STK32A: variants seen among roughly 807,000 people sequenced by gnomAD.
STK32A encodes serine/threonine kinase 32A.
In STK32A, 41 loss-of-function variants were observed where a neutral mutation model predicts 53.2. The ratio of observed to expected loss-of-function variants is 0.77; its 90% CI spans 0.60 to 1.00. The LOEUF (loss-of-function observed/expected upper bound fraction) is 1.00. STK32A is among the 50% of genes least tolerant of loss of function. The probability of loss-of-function intolerance (pLI) is 0.00; values close to 1 mark genes in which losing one functional copy is unlikely to be tolerated. For missense variants in STK32A, 458 were observed against 485.8 expected (o/e 0.94, Z 0.54); for synonymous variants, 166 against 162.8 (o/e 1.02, Z -0.15).
rs150887286 is a variant in STK32A at position 147,267,921 on chromosome 5, A to T, written c.53-10203A>T. ...TTCTTATTTTCTAAAGTAGGAAGAGATTTCTCCCACCTTAGAACTCCTATA... is the reference window on the plus strand; with the variant it reads ...TTCTTATTTTCTAAAGTAGGAAGAGTTTTCTCCCACCTTAGAACTCCTATA... On this transcript the variant is annotated intron_variant, in intron 2 of 12. Coordinates refer to ENST00000397936, the MANE Select transcript of STK32A (RefSeq NM_001112724.2). Among the ~76,000 whole-genome samples, 549 of 152,180 alleles carry T rather than the reference A, an allele frequency of 3.6e-3. 6 individuals are homozygous for T. Among genetic ancestry groups the T allele is most frequent in the African/African-American group, 0.012 (482 of 41,506 alleles).
chr5:147,246,613 T>A (rs1753773690), intron 2 of STK32A, among the ~76,000 whole-genome samples: 1 of 152,236 alleles, frequency 6.6e-6, no homozygotes, highest in Non-Finnish European at 1.5e-5. Context: ...AATGAAAGAT[T>A]ATAATCGTAT....
At chr5:147,260,032 TTC>T (rs200558482) in intron 2 of STK32A, among the ~76,000 whole-genome samples, 7,420 of 137,248 alleles carry the variant, frequency 0.054, 831 homozygotes, top group African/African-American at 0.2. Context: ...TCCTCTCTCT[TTC>T]TCTCTCCTGT....
rs781391712 is a variant in STK32A, at chr5:147,279,373, G to A, written c.235G>A (p.Glu79Lys). The change falls in exon 4 of 13, where the codon GAG (glutamate) becomes AAG (lysine). Residue 79 changes from glutamate to lysine, a missense_variant. Physicochemically the swap from Glu to Lys is moderately conservative, Grantham distance 56. Transcript: ENST00000397936. ...GGAACTCCAGATCATGCAGGGTCTG[G>A]AGCACCCTTTCCTGGTTAATTTGTG... ...FKELQIMQGL[E>K]HPFLVNLWYS... is the part of the protein sequence containing the mutation. The A allele has an allele frequency of 6.2e-7, 1 of 1,601,496 alleles. No homozygotes were observed. Among genetic ancestry groups the A allele is most frequent in the Non-Finnish European group, 8.5e-7 (1 of 1,173,672 alleles).
intron 4 of STK32A, among the ~76,000 whole-genome samples, chr5:147,291,575 C>A (rs2113345): frequency 0.33 from 50,646 of 151,518 alleles, 8,831 homozygotes; most frequent in South Asian, 0.6. Flanking sequence ...AATTTCTATG[C>A]CTGAATGAAA....
chr5:147,379,779 C>G (rs1757381495), intron 11 of STK32A, among the ~76,000 whole-genome samples: 1 of 152,126 alleles, frequency 6.6e-6, no homozygotes, highest in East Asian at 1.9e-4. Context: ...ATTTCAGATG[C>G]CGTCTCCAGC....
intron 7 of STK32A, among the ~76,000 whole-genome samples, chr5:147,360,450 C>CAAAAAAAAAAAAAAAAAAAAAAAAAAA (rs56690647): frequency 6.2e-5 from 5 of 81,184 alleles, no homozygotes; most frequent in Non-Finnish European, 1.0e-4. Context: ...GATTCTGTCT[C>CAAAAAAAAAAAAAAAAAAAAAAAAAAA]AAAAAAAAAA....
chr5:147,291,702 G>A (rs926554125), intron 4 of STK32A, among the ~76,000 whole-genome samples: 1 of 151,984 alleles, frequency 6.6e-6, no homozygotes, highest in Non-Finnish European at 1.5e-5. Flanking sequence ...TCAAATTGTA[G>A]GAAAATAATA....
intron 5 of STK32A, among the ~76,000 whole-genome samples, chr5:147,329,214 C>T (rs1754744538): frequency 6.6e-6 from 1 of 152,168 alleles, no homozygotes; most frequent in Non-Finnish European, 1.5e-5. Flanking sequence ...TTGCTGTTCT[C>T]ATTGGAACCA....
At chr5:147,318,980 T>G (rs1754157470) in intron 4 of STK32A, among the ~76,000 whole-genome samples, 1 of 152,128 alleles carries the variant, frequency 6.6e-6, no homozygotes, top group South Asian at 2.1e-4. Context: ...TCATGACATA[T>G]CTGCTTAGGT....
the STK32A span, chr5:147,401,517 C>T: frequency 6.3e-7 from 1 of 1,596,732 alleles, no homozygotes; most frequent in Non-Finnish European, 8.5e-7. Context: ...AAAACGCCTG[C>T]TGCTGGGCAT....
chr5:147,336,472 T>A (rs1472635880), intron 5 of STK32A, among the ~76,000 whole-genome samples: 2 of 152,238 alleles, frequency 1.3e-5, no homozygotes, highest in East Asian at 3.9e-4. Context: ...TTCTGGTTGT[T>A]AAATATTTTG....
At chr5:147,364,202 C>G (rs936364325) in intron 8 of STK32A, among the ~76,000 whole-genome samples, 2 of 130,212 alleles carry the variant, frequency 1.5e-5, no homozygotes, top group Non-Finnish European at 3.1e-5. Context: ...GCAATGAGAG[C>G]GAAACTCCAT....
At chr5:147,369,704 T>C (rs760783544) in intron 8 of STK32A, among the ~76,000 whole-genome samples, 15 of 152,218 alleles carry the variant, frequency 9.9e-5, no homozygotes, top group Non-Finnish European at 1.8e-4. Flanking sequence ...AGTCATTTAT[T>C]AAATATCTTA....
intron 2 of STK32A, among the ~76,000 whole-genome samples, chr5:147,249,908 C>CAAAAAAAAAAA (rs35848112): frequency 6.8e-5 from 4 of 58,578 alleles, no homozygotes; most frequent in Admixed American, 2.8e-4. Context: ...GCCTCTGTCT[C>CAAAAAAAAAAA]AAAAAAAAAA....
At chr5:147,306,143 G>A (rs1581067187) in intron 4 of STK32A, among the ~76,000 whole-genome samples, 1 of 151,910 alleles carries the variant, frequency 6.6e-6, no homozygotes, top group African/African-American at 2.4e-5. Flanking sequence ...AACTCTGGGT[G>A]TTCCAGCAAA....
chr5:147,253,469 G>A (rs1433195493), intron 2 of STK32A, among the ~76,000 whole-genome samples: 1 of 152,112 alleles, frequency 6.6e-6, no homozygotes, highest in Non-Finnish European at 1.5e-5. Flanking sequence ...GTTTCTGTAC[G>A]ATTTACTCAA....
At chr5:147,297,476 T>C (rs1752921010) in intron 4 of STK32A, among the ~76,000 whole-genome samples, 2 of 152,218 alleles carry the variant, frequency 1.3e-5, no homozygotes, top group Non-Finnish European at 2.9e-5. Flanking sequence ...TCTTAGCTGG[T>C]AGACCACAGA....
At chr5:147,342,282 A>T (rs72831392) in intron 5 of STK32A, among the ~76,000 whole-genome samples, 2 of 152,168 alleles carry the variant, frequency 1.3e-5, no homozygotes, top group African/African-American at 4.8e-5. Context: ...TCCCATATCC[A>T]TAAACAGAAC....
chr5:147,297,880 T>C, intron 4 of STK32A, among the ~76,000 whole-genome samples: 1 of 151,506 alleles, frequency 6.6e-6, no homozygotes, highest in Admixed American at 6.6e-5. Context: ...CTCAGGAGGC[T>C]TAGGCAGGAG....
Sources: gnomAD v4.1 joint callset for allele counts (sites outside exome capture counted in the v4.1 genomes callset) on GRCh38, gnomAD v4.1.1 for gene constraint, MANE v1.5 for transcripts, NCBI Gene and HGNC (gene_info 2026-07-23, HGNC 2026-07-21) for gene names.